Variants in CAMK1D observed in about 807,000 individuals in gnomAD.
The protein encoded by CAMK1D is calcium/calmodulin dependent protein kinase ID.
CAMK1D carries 9 observed loss-of-function variants against 47.7 expected under a neutral mutation model. That is an observed-to-expected ratio of 0.19 (90% CI 0.11 to 0.33). CAMK1D has a LOEUF of 0.33. Among genes scored for constraint, CAMK1D ranks in the 10% least tolerant of loss-of-function variants. The pLI, the probability that CAMK1D is intolerant of heterozygous loss-of-function variation, is 1.00. For synonymous variants in CAMK1D, 184 were observed against 184.9 expected (o/e 0.99, Z 0.04); for missense variants, 291 against 488.7 (o/e 0.60, Z 3.81).
At chr10:12,763,912 T>C (rs1486135154) in intron 4 of CAMK1D, among the ~76,000 whole-genome samples, 3 of 152,118 alleles carry the variant, frequency 2.0e-5, no homozygotes, top group Non-Finnish European at 2.9e-5. Context: ...CCAGGAGGAA[T>C]TGTGATGCAA....
At chr10:12,737,176 A>C in intron 3 of CAMK1D, among the ~76,000 whole-genome samples, 1 of 150,336 alleles carries the variant, frequency 6.7e-6, no homozygotes, top group African/African-American at 2.5e-5. Context: ...ACTGCCTCTG[A>C]CCTCTCACCT....
chr10:12,546,271 A>G (rs1458190375), intron 1 of CAMK1D, among the ~76,000 whole-genome samples: 2 of 152,058 alleles, frequency 1.3e-5, no homozygotes, highest in Admixed American at 6.6e-5. Context: ...GAAGGAGGAC[A>G]TGAACCAGAG....
At position 12,473,627 on chromosome 10, in the gene CAMK1D, G is replaced by A. The variant is rs143250797; in HGVS notation, c.93-79598G>A. On this transcript the variant is annotated intron_variant, in intron 1 of 10. Coordinates refer to ENST00000619168, the MANE Select transcript of CAMK1D (RefSeq NM_153498.4). ...AGGCTGAGATTTGTTGAGGTCACCT[G>A]GCAGCAGGCTGTAGGGCCAGCTGCA... Among the ~76,000 whole-genome samples the A allele has an allele frequency of 2.0e-5, 3 of 152,246 alleles. No individual in the cohort carries two copies. The East Asian group carries it at 5.8e-4, about 29-fold the overall frequency.
intron 2 of CAMK1D, among the ~76,000 whole-genome samples, chr10:12,662,618 C>T (rs1840306634): frequency 6.7e-6 from 1 of 148,636 alleles, no homozygotes; most frequent in East Asian, 2.0e-4. Context: ...CACCACTGCA[C>T]TCCAGCCTCG....
chr10:12,791,501 G>A (rs771197956), intron 6 of CAMK1D, among the ~76,000 whole-genome samples: 3 of 152,022 alleles, frequency 2.0e-5, no homozygotes, highest in Non-Finnish European at 4.4e-5. Context: ...CCTAGCCCCT[G>A]GAAACCTCTG....
At chr10:12,421,702 T>C (rs1163591441) in intron 1 of CAMK1D, among the ~76,000 whole-genome samples, 1 of 143,608 alleles carries the variant, frequency 7.0e-6, no homozygotes, top group Non-Finnish European at 1.5e-5. Flanking sequence ...ATTTTTATAT[T>C]TTTAGTAGAG....
chr10:12,691,275 A>G (rs973574927), intron 3 of CAMK1D, among the ~76,000 whole-genome samples: 1 of 150,856 alleles, frequency 6.6e-6, no homozygotes, highest in Non-Finnish European at 1.5e-5. Flanking sequence ...GTCGGTATCA[A>G]TTGGCACTTG....
intron 4 of CAMK1D, among the ~76,000 whole-genome samples, chr10:12,761,883 T>A (rs1836525057): frequency 1.3e-5 from 2 of 152,154 alleles, no homozygotes; most frequent in Admixed American, 1.3e-4. Flanking sequence ...AAACTCCGTC[T>A]CAAAAAAAAT....
At chr10:12,613,590 T>TG (rs1838695095) in intron 2 of CAMK1D, among the ~76,000 whole-genome samples, 1 of 152,240 alleles carries the variant, frequency 6.6e-6, no homozygotes, top group Admixed American at 6.5e-5. Flanking sequence ...GTGATTCTCC[T>TG]GCCTCAGCCT....
At position 12,832,690 on chromosome 10, in the gene CAMK1D, A is replaced by G. The variant is rs1833439218; in HGVS notation, c.*3803A>G. ...GGCCACAATTCTGGTCACTTCTAGCATCTGACCTTGAGAACGGTGTAGAGT... is the reference window on the plus strand; with the variant it reads ...GGCCACAATTCTGGTCACTTCTAGCGTCTGACCTTGAGAACGGTGTAGAGT... On this transcript the variant is annotated 3_prime_UTR_variant, in exon 11 of 11. Coordinates refer to ENST00000619168, the MANE Select transcript of CAMK1D (RefSeq NM_153498.4). The G allele has an allele frequency of 6.6e-6, 1 of 152,248 alleles. No individual in the cohort carries two copies. Among genetic ancestry groups the G allele is most frequent in the Admixed American group, 6.5e-5 (1 of 15,274 alleles). 9.4% of individuals were successfully genotyped at this position (152,248 alleles called of 1,614,324 possible).
At chr10:12,735,445 T>C (rs938722768) in intron 3 of CAMK1D, among the ~76,000 whole-genome samples, 1 of 152,044 alleles carries the variant, frequency 6.6e-6, no homozygotes, top group Non-Finnish European at 1.5e-5. Flanking sequence ...GCCACTGCAC[T>C]CCAGCCTGGG....
chr10:12,409,069 C>G (rs1274586111), intron 1 of CAMK1D, among the ~76,000 whole-genome samples: 1 of 152,022 alleles, frequency 6.6e-6, no homozygotes, highest in Non-Finnish European at 1.5e-5. Context: ...GTTGGCCAGG[C>G]TGGTTTTGAA....
chr10:12,699,638 G>A (rs113782997), intron 3 of CAMK1D, among the ~76,000 whole-genome samples: 4 of 151,536 alleles, frequency 2.6e-5, no homozygotes, highest in African/African-American at 9.7e-5. Flanking sequence ...CTACAGTTAG[G>A]GCTGTAACTT....
chr10:12,708,975 G>A (rs1833831666), intron 3 of CAMK1D, among the ~76,000 whole-genome samples: 2 of 152,248 alleles, frequency 1.3e-5, no homozygotes, highest in Admixed American at 1.3e-4. Flanking sequence ...CCCAGTTCGA[G>A]TCTCAGCCAA....
At chr10:12,651,209 A>C (rs1255327569) in intron 2 of CAMK1D, among the ~76,000 whole-genome samples, 1 of 152,038 alleles carries the variant, frequency 6.6e-6, no homozygotes, top group Non-Finnish European at 1.5e-5. Context: ...TTGCGCCCCA[A>C]GCCCCACCTC....
At chr10:12,737,865 GTATAA>G (rs1835254176) in intron 3 of CAMK1D, among the ~76,000 whole-genome samples, 1 of 152,154 alleles carries the variant, frequency 6.6e-6, no homozygotes, top group African/African-American at 2.4e-5. Flanking sequence ...TATTCCAGTT[GTATAA>G]TATGAGACTC....
chr10:12,353,635 G>A (rs1390449548), intron 1 of CAMK1D, among the ~76,000 whole-genome samples: 2 of 152,140 alleles, frequency 1.3e-5, no homozygotes, highest in African/African-American at 4.8e-5. Flanking sequence ...GGTCTGGCCT[G>A]GGTTGTCTGA....
At chr10:12,498,712 C>T (rs1834613950) in intron 1 of CAMK1D, among the ~76,000 whole-genome samples, 1 of 152,104 alleles carries the variant, frequency 6.6e-6, no homozygotes, top group Admixed American at 6.6e-5. Flanking sequence ...GACGGGGAAG[C>T]AGACCTCCAA....
At chr10:12,779,542 A>T (rs1331623538) in intron 5 of CAMK1D, among the ~76,000 whole-genome samples, 1 of 151,934 alleles carries the variant, frequency 6.6e-6, no homozygotes. Flanking sequence ...TGATCCTCCC[A>T]CCTCAGCCTC....
Sources: allele counts gnomAD v4.1 joint callset (sites outside exome capture counted in the v4.1 genomes callset), GRCh38; gene constraint gnomAD v4.1.1; transcripts MANE v1.5; gene names NCBI Gene and HGNC (gene_info 2026-07-23, HGNC 2026-07-21).